Variants in SNRPD1 observed in about 807,000 individuals in gnomAD.
SNRPD1 encodes the protein small nuclear ribonucleoprotein D1 polypeptide, also known as small nuclear ribonucleoprotein Sm D1.
SNRPD1 carries 1 observed loss-of-function variant against 14.4 expected under a neutral mutation model. That is an observed-to-expected ratio of 0.07 (90% CI 0.02 to 0.33). SNRPD1 has a LOEUF of 0.33. Among genes scored for constraint, SNRPD1 ranks in the 10% least tolerant of loss-of-function variants. SNRPD1 has a pLI of 1.00. For synonymous variants in SNRPD1, 42 were observed against 50.3 expected (o/e 0.83, Z 0.70); for missense variants, 52 against 146.4 (o/e 0.36, Z 3.33).
chr18:21,629,354 T>G lies in SNRPD1; in HGVS notation c.*216T>G. ...CATTTTTAGTTGATCAGGTTTTAAG[T>G]TTTTGAACTAAAATTTTTCTTTTTC... On this transcript the variant is annotated 3_prime_UTR_variant, in exon 4 of 4. Transcript: ENST00000300413. 2.2e-6 allele frequency: 1 copy of G among 455,168 alleles called. No individual in the cohort carries two copies. The highest frequency in any genetic ancestry group is 3.7e-5 in the Admixed American group (1 of 26,966). The allele number at this position is 455,168 out of a possible 1,614,324, so 28.2% of individuals were successfully genotyped here.
intron 3 of SNRPD1, 62 bp from the exon 4 acceptor site, chr18:21,628,982 TGTGTAAATGTTGTTTGTG>T (rs1317293085): frequency 1.0e-6 from 1 of 984,756 alleles, no homozygotes; most frequent in Non-Finnish European, 1.6e-6. Flanking sequence ...GAAAGGTGTG[TGTGTAAATGTTGTTTGTG>T]GTGTCTAGGT....
At chr18:21,626,984 TAAA>T (rs929799395) in intron 3 of SNRPD1, among the ~76,000 whole-genome samples, 3 of 136,910 alleles carry the variant, frequency 2.2e-5, no homozygotes, top group East Asian at 2.1e-4. Context: ...TTTCTTTCTT[TAAA>T]AAAAAAAAAA....
At chr18:21,619,929 A>C (rs527566852) in intron 1 of SNRPD1, among the ~76,000 whole-genome samples, 2 of 152,112 alleles carry the variant, frequency 1.3e-5, no homozygotes, top group Non-Finnish European at 2.9e-5. Context: ...GACTACAGGC[A>C]TGAGCCAACA....
chr18:21,622,342 A>G (rs529752702), intron 1 of SNRPD1, among the ~76,000 whole-genome samples: 131 of 152,146 alleles, frequency 8.6e-4, no homozygotes, highest in Admixed American at 2.8e-3. Context: ...GGGTTTCACC[A>G]TGTTAGCCAG....
At chr18:21,617,769 G>A (rs1372981241) in intron 1 of SNRPD1, among the ~76,000 whole-genome samples, 1 of 151,822 alleles carries the variant, frequency 6.6e-6, no homozygotes, top group Non-Finnish European at 1.5e-5. Context: ...TTGTGAGGCC[G>A]AGGCAGGCAG....
intron 3 of SNRPD1, among the ~76,000 whole-genome samples, chr18:21,626,517 G>A (rs1046799283): frequency 5.3e-5 from 8 of 151,950 alleles, no homozygotes; most frequent in African/African-American, 1.9e-4. Flanking sequence ...TGGGCCAGGT[G>A]TGGTGGCTCA....
chr18:21,612,347 C>T lies in SNRPD1; in HGVS notation c.-83C>T. 5 of 1,102,892 alleles carry T rather than the reference C, an allele frequency of 4.5e-6. No homozygotes were observed. The highest frequency in any genetic ancestry group is 5.1e-6 in the Non-Finnish European group (4 of 785,602). The allele number at this position is 1,102,892 out of a possible 1,614,324, so 68.3% of individuals were successfully genotyped here. Reference sequence around the variant, plus strand: ...CCGGAGCCCCTGGAGTAGGCGCTTCCGGCCATTCATACTGCAGTCGGTCAG... The same window carrying T: ...CCGGAGCCCCTGGAGTAGGCGCTTCTGGCCATTCATACTGCAGTCGGTCAG... On this transcript the variant is annotated 5_prime_UTR_variant, in exon 1 of 4. Coordinates refer to ENST00000300413, the MANE Select transcript of SNRPD1 (RefSeq NM_006938.4).
At chr18:21,627,207 T>G (rs2039046866) in intron 3 of SNRPD1, among the ~76,000 whole-genome samples, 1 of 152,028 alleles carries the variant, frequency 6.6e-6, no homozygotes, top group African/African-American at 2.4e-5. Flanking sequence ...AGGCGGAGAT[T>G]GCAGTGAGCA....
intron 3 of SNRPD1, among the ~76,000 whole-genome samples, chr18:21,625,858 C>T (rs781017384): frequency 4.6e-5 from 7 of 152,118 alleles, no homozygotes; most frequent in Non-Finnish European, 1.0e-4. Context: ...ATCCGCCTGC[C>T]TGGGCCTCCC....
intron 3 of SNRPD1, 105 bp downstream of exon 3, chr18:21,624,044 A>G: frequency 1.4e-6 from 1 of 709,894 alleles, no homozygotes. Context: ...TTGTTGTTTA[A>G]TATTTCCTAT....
At chr18:21,613,657 C>G (rs1256404470) in intron 1 of SNRPD1, among the ~76,000 whole-genome samples, 1 of 151,838 alleles carries the variant, frequency 6.6e-6, no homozygotes, top group Non-Finnish European at 1.5e-5. Flanking sequence ...GAGTTCGAGA[C>G]CAGCCTGACC....
chr18:21,616,146 C>G (rs758518862), intron 1 of SNRPD1, among the ~76,000 whole-genome samples: 1 of 146,536 alleles, frequency 6.8e-6, no homozygotes, highest in African/African-American at 2.5e-5. Context: ...CCACCACGCC[C>G]GGCTAATTTT....
intron 3 of SNRPD1, among the ~76,000 whole-genome samples, chr18:21,625,145 A>T (rs1440257582): frequency 2.1e-5 from 3 of 145,964 alleles, no homozygotes; most frequent in African/African-American, 5.0e-5. Flanking sequence ...GTTATTCTAC[A>T]TTTTTTTTTT....
Position 21,629,239 on chromosome 18 carries a change from C to A in SNRPD1, c.*101C>A. 2 of 897,326 alleles carry A rather than the reference C, an allele frequency of 2.2e-6. No individual in the cohort carries two copies. Among genetic ancestry groups the A allele is most frequent in the South Asian group, 1.4e-5 (1 of 72,444 alleles). 55.6% of individuals were successfully genotyped at this position (897,326 alleles called of 1,614,324 possible). A position where few individuals can be genotyped will look rare whatever the true frequency, so the allele number is the denominator to read the frequency against. ...TAATAAACATAAATGTGGGACAGAGCTGTCTATTTAGTATATCAAAGTTTT... is the reference window on the plus strand; with the variant it reads ...TAATAAACATAAATGTGGGACAGAGATGTCTATTTAGTATATCAAAGTTTT... On this transcript the variant is annotated 3_prime_UTR_variant, in exon 4 of 4. Coordinates refer to ENST00000300413, the MANE Select transcript of SNRPD1 (RefSeq NM_006938.4).
At chr18:21,614,124 T>C (rs1295141643) in intron 1 of SNRPD1, among the ~76,000 whole-genome samples, 1 of 151,726 alleles carries the variant, frequency 6.6e-6, no homozygotes, top group Non-Finnish European at 1.5e-5. Flanking sequence ...AATACAAAAA[T>C]TAGCCGGGCA....
chr18:21,618,015 G>A (rs2038970233), intron 1 of SNRPD1, among the ~76,000 whole-genome samples: 2 of 152,244 alleles, frequency 1.3e-5, no homozygotes, highest in East Asian at 1.9e-4. Context: ...GTCTTATGCT[G>A]TATTTTTTCT....
chr18:21,623,655 T>G (rs2039014580), intron 2 of SNRPD1, 93 bp from the exon 3 acceptor site: 3 of 894,694 alleles, frequency 3.4e-6, no homozygotes, highest in Non-Finnish European at 5.3e-6. Context: ...AACAGTAATC[T>G]TTTGTAGTCC....
chr18:21,622,718 T>C lies in SNRPD1; in HGVS notation c.15-7T>C. 7.3e-7 allele frequency: 1 copy of C among 1,374,816 alleles called. No homozygotes were observed. Among genetic ancestry groups the C allele is most frequent in the African/African-American group, 1.4e-5 (1 of 70,414 alleles). 85.2% of individuals were successfully genotyped at this position (1,374,816 alleles called of 1,614,324 possible). A position where few individuals can be genotyped will look rare whatever the true frequency, so the allele number is the denominator to read the frequency against. ...ACAGGTAAAAATGGTTTTATTCCTA[T>C]TTATAGATTTTTGATGAAATTGAGT... On this transcript the variant is annotated splice_region_variant and splice_polypyrimidine_tract_variant and intron_variant, in intron 1 of 3. Coordinates refer to ENST00000300413, the MANE Select transcript of SNRPD1 (RefSeq NM_006938.4).
chr18:21,614,134 A>G (rs1303189119), intron 1 of SNRPD1, among the ~76,000 whole-genome samples: 2 of 149,956 alleles, frequency 1.3e-5, no homozygotes, highest in Admixed American at 1.3e-4. Context: ...TTAGCCGGGC[A>G]TGGTGGCGGG....
Sources: allele counts gnomAD v4.1 joint callset (sites outside exome capture counted in the v4.1 genomes callset), GRCh38; gene constraint gnomAD v4.1.1; transcripts MANE v1.5; gene names NCBI Gene and HGNC (gene_info 2026-07-23, HGNC 2026-07-21).